Variants in NRG3 observed in about 807,000 individuals in gnomAD.
NRG3 encodes pro-neuregulin-3, membrane-bound isoform.
Under a neutral mutation model 66.9 loss-of-function variants are expected in NRG3, and 31 were observed. The ratio of observed to expected loss-of-function variants is 0.46; its 90% CI spans 0.35 to 0.63. The LOEUF (loss-of-function observed/expected upper bound fraction) is 0.63, where lower values mean the gene tolerates loss of function less well. NRG3 is among the 20% of genes least tolerant of loss of function. NRG3 has a pLI of 0.00. For missense variants in NRG3, 910 were observed against 878.9 expected, an observed-to-expected ratio of 1.04 and a Z score of -0.45; for synonymous variants, 393 against 359.4, an observed-to-expected ratio of 1.09 and a Z score of -1.06.
At chr10:82,942,065 A>G (rs1848624749) in intron 4 of NRG3, among the ~76,000 whole-genome samples, 1 of 151,938 alleles carries the variant, frequency 6.6e-6, no homozygotes, top group Non-Finnish European at 1.5e-5. Context: ...ACATTTATGG[A>G]CATCATAGTT....
chr10:82,356,696 G>A (rs2083808465), intron 1 of NRG3, among the ~76,000 whole-genome samples: 1 of 152,210 alleles, frequency 6.6e-6, no homozygotes, highest in Admixed American at 6.5e-5. Context: ...CGTGGAATAT[G>A]AGTAACATAT....
At chr10:82,436,594 A>G (rs2090154312) in intron 2 of NRG3, among the ~76,000 whole-genome samples, 1 of 152,064 alleles carries the variant, frequency 6.6e-6, no homozygotes, top group Admixed American at 6.6e-5. Flanking sequence ...CTATTTGGTT[A>G]TTTTGCACAC....
chr10:82,520,418 A>G (rs1846075952), intron 2 of NRG3, among the ~76,000 whole-genome samples: 1 of 151,894 alleles, frequency 6.6e-6, no homozygotes. Flanking sequence ...CTCTACTCAC[A>G]CACATACACA....
chr10:82,952,902 T>C (rs1036827355), intron 5 of NRG3, among the ~76,000 whole-genome samples: 6 of 151,988 alleles, frequency 3.9e-5, no homozygotes, highest in African/African-American at 1.5e-4. Flanking sequence ...TTTTTAGATA[T>C]TTAGAACTGT....
chr10:82,534,338 G>A (rs1352582964), intron 2 of NRG3, among the ~76,000 whole-genome samples: 2 of 151,256 alleles, frequency 1.3e-5, no homozygotes, highest in East Asian at 1.9e-4. Context: ...ATCTTGGCTC[G>A]CTGCAACCTC....
intron 1 of NRG3, among the ~76,000 whole-genome samples, chr10:82,177,281 G>GA (rs2073105977): frequency 6.6e-6 from 1 of 151,866 alleles, no homozygotes; most frequent in South Asian, 2.1e-4. Flanking sequence ...GAAACTAAAA[G>GA]AAAAATCTAT....
chr10:82,195,989 A>T (rs2074427028), intron 1 of NRG3, among the ~76,000 whole-genome samples: 1 of 152,060 alleles, frequency 6.6e-6, no homozygotes, highest in Non-Finnish European at 1.5e-5. Context: ...GACTAGTTTC[A>T]GATGTCTGAC....
chr10:82,693,724 G>C (rs1463030873), intron 2 of NRG3, among the ~76,000 whole-genome samples: 4 of 152,106 alleles, frequency 2.6e-5, no homozygotes, highest in Non-Finnish European at 5.9e-5. Context: ...GGTGCATCCG[G>C]AGTTTGTTCC....
At chr10:82,910,365 A>G (rs1338121925) in intron 4 of NRG3, among the ~76,000 whole-genome samples, 1 of 152,224 alleles carries the variant, frequency 6.6e-6, no homozygotes, top group Non-Finnish European at 1.5e-5. Flanking sequence ...AACAGCTACT[A>G]GAGGAATTAA....
chr10:82,732,915 G>C (rs1279255881), intron 2 of NRG3, among the ~76,000 whole-genome samples: 3 of 152,158 alleles, frequency 2.0e-5, no homozygotes, highest in Non-Finnish European at 2.9e-5. Context: ...TGGAGGGTTT[G>C]TTCCTTTTTC....
chr10:82,748,975 C>G (rs1261785365), intron 3 of NRG3, among the ~76,000 whole-genome samples: 1 of 152,046 alleles, frequency 6.6e-6, no homozygotes. Context: ...TATGATTCCT[C>G]ACATTGCTTC....
chr10:82,936,589 C>A (rs1205009345), intron 4 of NRG3, among the ~76,000 whole-genome samples: 2 of 152,140 alleles, frequency 1.3e-5, no homozygotes, highest in East Asian at 1.9e-4. Context: ...TTGAAAAATG[C>A]CCATAGAGTG....
intron 5 of NRG3, among the ~76,000 whole-genome samples, chr10:82,956,481 G>A (rs538159980): frequency 2.6e-5 from 4 of 151,896 alleles, no homozygotes; most frequent in African/African-American, 7.3e-5. Flanking sequence ...GAAGGACCAC[G>A]TATCTTGGAA....
intron 1 of NRG3, among the ~76,000 whole-genome samples, chr10:82,328,510 CA>C (rs1331881984): frequency 6.6e-6 from 1 of 152,086 alleles, no homozygotes; most frequent in Non-Finnish European, 1.5e-5. Context: ...ATTGGTTGGC[CA>C]ACATCTCTCC....
chr10:82,195,149 G>A (rs2133395098), intron 1 of NRG3, among the ~76,000 whole-genome samples: 1 of 152,202 alleles, frequency 6.6e-6, no homozygotes, highest in African/African-American at 2.4e-5. Flanking sequence ...AGAACAAGAA[G>A]CGTCCATGGT....
chr10:82,503,990 C>A lies in NRG3; in HGVS notation c.953+145122C>A, dbSNP rs571189978. 1.1e-3 allele frequency among the ~76,000 whole-genome samples: 172 copies of A among 152,316 alleles called. 2 individuals carry two copies. The highest frequency in any genetic ancestry group is 0.01 in the Middle Eastern group (3 of 294). On this transcript the variant is annotated intron_variant, in intron 2 of 8. Transcript: ENST00000372141. ...TGTTAAATGGAAAAAAAATGCCACT[C>A]TTACTTCTCAGTTTGCTCTGAATAT... is the stretch of plus-strand genomic sequence containing the variant.
At chr10:82,955,057 G>T (rs1199281969) in intron 5 of NRG3, 1 of 151,854 alleles carries the variant, frequency 6.6e-6, no homozygotes, top group Non-Finnish European at 1.5e-5. Flanking sequence ...TATAGTTTCT[G>T]CCCAGAGGGA....
intron 2 of NRG3, among the ~76,000 whole-genome samples, chr10:82,645,158 G>A (rs1299809453): frequency 6.6e-6 from 1 of 151,990 alleles, no homozygotes; most frequent in Non-Finnish European, 1.5e-5. Context: ...AAACTGTTAA[G>A]CTGGTATTAT....
At chr10:82,772,406 C>T (rs573083272) in intron 3 of NRG3, among the ~76,000 whole-genome samples, 62 of 152,168 alleles carry the variant, frequency 4.1e-4, no homozygotes, top group Non-Finnish European at 7.8e-4. Flanking sequence ...TCATGTTGCA[C>T]ATTAGATCTC....
Sources: allele counts gnomAD v4.1 joint callset (sites outside exome capture counted in the v4.1 genomes callset), GRCh38; gene constraint gnomAD v4.1.1; transcripts MANE v1.5; gene names NCBI Gene and HGNC (gene_info 2026-07-23, HGNC 2026-07-21).